LAMA4: variants seen among roughly 807,000 people sequenced by gnomAD.
LAMA4 encodes laminin subunit alpha-4.
Under a neutral mutation model 207.1 loss-of-function variants are expected in LAMA4, and 127 were observed. The observed-to-expected ratio is 0.61, with a 90% CI of 0.53 to 0.71. LAMA4 has a LOEUF of 0.71. LAMA4 is among the 30% of genes least tolerant of loss of function. The pLI, the probability that LAMA4 is intolerant of heterozygous loss-of-function variation, is 0.00. For missense variants in LAMA4, 2,093 were observed against 2,246.5 expected (o/e 0.93, Z 1.38); for synonymous variants, 761 against 816.0 (o/e 0.93, Z 1.15).
intron 14 of LAMA4, among the ~76,000 whole-genome samples, chr6:112,156,102 G>C (rs1329497329): frequency 6.6e-6 from 1 of 151,752 alleles, no homozygotes; most frequent in African/African-American, 2.4e-5. Flanking sequence ...AAGGCTCTAG[G>C]AGAGTATGCA....
At chr6:112,206,184 T>G (rs1784047697) in intron 4 of LAMA4, among the ~76,000 whole-genome samples, 1 of 152,188 alleles carries the variant, frequency 6.6e-6, no homozygotes, top group Non-Finnish European at 1.5e-5. Flanking sequence ...AAATTTACAG[T>G]CTTCTGGGAA....
Position 112,144,856 on chromosome 6 carries a change from C to T in LAMA4, c.2431G>A (p.Val811Ile), listed in dbSNP as rs1040029421. ...TVEQKRPASN[V>I]SASIQRIREL... Reference sequence around the variant, plus strand: ...CGGATCCTCTGGATGCTGGCAGAAACGTTGCTTGCAGGTCGCTTCTGCTCA... The same window carrying T: ...CGGATCCTCTGGATGCTGGCAGAAATGTTGCTTGCAGGTCGCTTCTGCTCA... Residue 811 changes from valine (V) to isoleucine (I), a missense_variant, in exon 19 of 39, where the codon GTT (valine) becomes ATT (isoleucine). This residue lies in a region of LAMA4 where 1,704 missense variants were observed against 1,788.4 expected (regional missense o/e 0.95). Transcript: ENST00000230538. 1.9e-6 allele frequency: 3 copies of T among 1,614,012 alleles called. No individual in the cohort carries two copies. The highest frequency in any genetic ancestry group is 1.7e-5 in the Admixed American group (1 of 60,020).
At chr6:112,119,398 A>G in intron 33 of LAMA4, 87 bp from the exon 34 acceptor site, 1 of 1,394,362 alleles carries the variant, frequency 7.2e-7, no homozygotes, top group Non-Finnish European at 1.0e-6. Context: ...CAACTTTGCT[A>G]TTGCAATGCT....
chr6:112,184,377 C>T (rs1410505348), intron 9 of LAMA4, among the ~76,000 whole-genome samples: 4 of 151,410 alleles, frequency 2.6e-5, no homozygotes, highest in Admixed American at 2.0e-4. Flanking sequence ...TATGGTGCCT[C>T]GTGACTTAGT....
chr6:112,217,969 T>C (rs1486531783), intron 2 of LAMA4: 2 of 152,222 alleles, frequency 1.3e-5, no homozygotes, highest in Non-Finnish European at 2.9e-5. Context: ...GGTATCTATA[T>C]CTATATTGGT....
intron 18 of LAMA4, 55 bp downstream of exon 18, chr6:112,148,102 A>G: frequency 6.7e-7 from 1 of 1,502,074 alleles, no homozygotes; most frequent in Non-Finnish European, 9.3e-7. Context: ...AGATGTATAG[A>G]GTTTAATGGC....
intron 33 of LAMA4, 93 bp from the exon 34 acceptor site, chr6:112,119,404 A>G (rs1376942847): frequency 8.3e-6 from 11 of 1,331,926 alleles, no homozygotes; most frequent in East Asian, 2.3e-5. Flanking sequence ...TGCTATTGCA[A>G]TGCTGTGGGA....
Position 112,133,370 on chromosome 6 carries a change from ATAACC to A in LAMA4, c.3670_3674del (p.Gly1224TrpfsTer30). ...TTACAAGTGAGTCTTCTGGGCATCC[ATAACC>A]AACTCCCAGGGTTTCTGTCTGCTCC... is the stretch of plus-strand genomic sequence containing the variant. On this transcript the variant is annotated frameshift_variant, in exon 27 of 39. Coordinates refer to ENST00000230538, the MANE Select transcript of LAMA4 (RefSeq NM_001105206.3). LOFTEE classifies it high-confidence loss of function. The A allele has an allele frequency of 6.2e-7, 1 of 1,613,816 alleles. No individual in the cohort carries two copies. Among genetic ancestry groups the A allele is most frequent in the Non-Finnish European group, 8.5e-7 (1 of 1,179,752 alleles).
chr6:112,216,288 C>T, intron 3 of LAMA4, 80 bp downstream of exon 3: 1 of 991,474 alleles, frequency 1.0e-6, no homozygotes, highest in Non-Finnish European at 1.6e-6. Flanking sequence ...GTGGCTCAAA[C>T]ATCCGAAAAA....
At chr6:112,225,240 A>C (rs1436850186) in intron 2 of LAMA4, among the ~76,000 whole-genome samples, 3 of 152,082 alleles carry the variant, frequency 2.0e-5, no homozygotes, top group Non-Finnish European at 4.4e-5. Context: ...CTCCAATTTT[A>C]TAGGCACCTG....
chr6:112,178,501 T>C, intron 9 of LAMA4: 1 of 421,590 alleles, frequency 2.4e-6, no homozygotes, highest in Non-Finnish European at 4.4e-6. Context: ...TAGTGGTGAT[T>C]TGTTAGACTT....
At chr6:112,162,429 T>C (rs1475012116) in intron 13 of LAMA4, among the ~76,000 whole-genome samples, 1 of 151,734 alleles carries the variant, frequency 6.6e-6, no homozygotes, top group Non-Finnish European at 1.5e-5. Flanking sequence ...CCGAGATCAC[T>C]CCATTGCACT....
intron 23 of LAMA4, 86 bp downstream of exon 23, chr6:112,139,666 G>A: frequency 6.5e-7 from 1 of 1,532,988 alleles, no homozygotes; most frequent in Non-Finnish European, 9.0e-7. Context: ...AGAAAAGTTT[G>A]AGAACCTGAA....
intron 21 of LAMA4, 130 bp from the exon 22 acceptor site, chr6:112,141,052 C>G: frequency 2.5e-6 from 2 of 801,946 alleles, no homozygotes; most frequent in Non-Finnish European, 2.1e-6. Flanking sequence ...TTACAAAATA[C>G]CACAATCAAT....
chr6:112,211,356 C>G (rs1292964659), intron 3 of LAMA4, among the ~76,000 whole-genome samples: 1 of 152,126 alleles, frequency 6.6e-6, no homozygotes, highest in South Asian at 2.1e-4. Context: ...AGAAGTGACC[C>G]AAGTATCTCA....
In LAMA4 at chr6:112,155,572, A is replaced by G. The variant is rs1554336712; in HGVS notation, c.1952T>C (p.Ile651Thr). 2.5e-6 allele frequency: 4 copies of G among 1,614,198 alleles called. No individual in the cohort carries two copies. Among genetic ancestry groups the G allele is most frequent in the Non-Finnish European group, 3.4e-6 (4 of 1,180,012 alleles). The change falls in exon 15 of 39, where the codon ATT (isoleucine) becomes ACT (threonine). Residue 651 changes from isoleucine to threonine, a missense_variant. By Grantham distance (89) the Ile-to-Thr change is moderately conservative (BLOSUM62 -1). Coordinates refer to ENST00000230538, the MANE Select transcript of LAMA4 (RefSeq NM_001105206.3). Reference protein sequence around the residue: ...AEFALNTTDRIYDAVSGIDTQ... With the variant: ...AEFALNTTDRTYDAVSGIDTQ... ...CTTTCAGGGAATACTCACATCATAA[A>G]TTCGGTCAGTGGTGTTCAAAGCAAA...
At position 112,148,305 on chromosome 6, in the gene LAMA4, T is replaced by C; in HGVS notation, c.2205A>G (p.Arg735=). ...TCCTGTTGGCTTCCTCGGTGATCAG[T>C]CTAGACTGCCCCAGGCGCTGCTGGG... ...GDAQQRLGQS[R]LITEEANRTT... is the part of the protein sequence containing the mutation. Residue 735 remains arginine, a synonymous_variant, in exon 18 of 39, where the codon AGA becomes AGG. Transcript: ENST00000230538. 6.2e-7 allele frequency: 1 copy of C among 1,614,188 alleles called. No homozygotes were observed.
In LAMA4 at chr6:112,119,290, T is replaced by A. The variant is rs1778207777; in HGVS notation, c.4687A>T (p.Ser1563Cys). 1.9e-6 allele frequency: 3 copies of A among 1,613,880 alleles called. No individual in the cohort carries two copies. The Admixed American group carries it at 5.0e-5, about 27-fold the overall frequency. Residue 1563 changes from serine (S) to cysteine (C), a missense_variant, in exon 34 of 39, where the codon AGC (serine) becomes TGC (cysteine). Transcript: ENST00000230538. ...CCATCAATTACCAGTCGGCCACTGCTCCTTTCTCGAATAAATATCACCTGG... is the reference window on the plus strand; with the variant it reads ...CCATCAATTACCAGTCGGCCACTGCACCTTTCTCGAATAAATATCACCTGG... ...WHDVIFIRER[S>C]SGRLVIDGLR...
chr6:112,216,595 T>G (rs1185038440), intron 2 of LAMA4, 126 bp from the exon 3 acceptor site: 4 of 713,780 alleles, frequency 5.6e-6, no homozygotes, highest in Non-Finnish European at 1.0e-5. Context: ...ATATACTAAA[T>G]GATACATACA....
Sources: gnomAD v4.1 joint callset for allele counts (sites outside exome capture counted in the v4.1 genomes callset) on GRCh38, gnomAD v4.1.1 for gene constraint, gnomAD v4.1.1 regional missense constraint, MANE v1.5 for transcripts, NCBI Gene and HGNC (gene_info 2026-07-23, HGNC 2026-07-21) for gene names.